Variants in SPEF2 observed in about 807,000 individuals in gnomAD.
SPEF2 encodes sperm flagella and cilia-associated protein 2.
In SPEF2, 187 loss-of-function variants were observed where a neutral mutation model predicts 224.6. The observed-to-expected ratio is 0.83, with a 90% CI of 0.74 to 0.94. SPEF2 has a LOEUF of 0.94. Ranked by LOEUF, SPEF2 falls within the 40% of genes least tolerant of loss-of-function variation. The pLI, the probability that SPEF2 is intolerant of heterozygous loss-of-function variation, is 0.00. For missense variants in SPEF2, 2,170 were observed against 2,135.6 expected (o/e 1.02, Z -0.32); for synonymous variants, 715 against 707.3 (o/e 1.01, Z -0.17).
At chr5:35,686,417 A>G (rs190830085) in intron 10 of SPEF2, among the ~76,000 whole-genome samples, 337 of 152,202 alleles carry the variant, frequency 2.2e-3, no homozygotes, top group Non-Finnish European at 3.1e-3. Context: ...GTTACTAAAT[A>G]CATTTTATGT....
At chr5:35,811,622 G>A (rs1580817881) in intron 36 of SPEF2, among the ~76,000 whole-genome samples, 1 of 151,622 alleles carries the variant, frequency 6.6e-6, no homozygotes, top group African/African-American at 2.4e-5. Flanking sequence ...ATGGTGGGGG[G>A]GGTGGGGTTT....
intron 6 of SPEF2, among the ~76,000 whole-genome samples, chr5:35,651,103 C>G (rs1269383111): frequency 6.6e-6 from 1 of 152,200 alleles, no homozygotes; most frequent in Admixed American, 6.5e-5. Context: ...GTAGATATCT[C>G]CTATCTGAAA....
chr5:35,795,915 C>A, intron 33 of SPEF2, 120 bp downstream of exon 33: 1 of 849,972 alleles, frequency 1.2e-6, no homozygotes, highest in Non-Finnish European at 1.9e-6. Context: ...CCTCTGCTGC[C>A]TCTCCAAAGT....
intron 30 of SPEF2, among the ~76,000 whole-genome samples, chr5:35,787,563 C>T (rs757407449): frequency 7.2e-5 from 11 of 152,152 alleles, no homozygotes; most frequent in Non-Finnish European, 1.5e-4. Flanking sequence ...TAACTCCGCT[C>T]CACCACTTAC....
intron 21 of SPEF2, among the ~76,000 whole-genome samples, chr5:35,738,058 GTTGT>G (rs1474809663): frequency 6.6e-6 from 1 of 152,068 alleles, no homozygotes; most frequent in Non-Finnish European, 1.5e-5. Flanking sequence ...TTTTGATGGG[GTTGT>G]TTGTTTCCTT....
chr5:35,771,781 A>G (rs1392873455), intron 27 of SPEF2, 25 bp downstream of exon 27: 1 of 1,572,698 alleles, frequency 6.4e-7, no homozygotes, highest in South Asian at 1.2e-5. Flanking sequence ...AGCACTCAGA[A>G]CCCTGGATGC....
intron 2 of SPEF2, among the ~76,000 whole-genome samples, chr5:35,639,370 G>C (rs1441582739): frequency 2.0e-5 from 3 of 152,154 alleles, no homozygotes; most frequent in Non-Finnish European, 4.4e-5. Context: ...ACAAGGATCA[G>C]TAAATTTTAT....
chr5:35,783,459 A>G (rs1754627497), intron 30 of SPEF2, among the ~76,000 whole-genome samples: 1 of 152,218 alleles, frequency 6.6e-6, no homozygotes, highest in Non-Finnish European at 1.5e-5. Flanking sequence ...TAGAAAGAGT[A>G]TAGCACATAG....
At chr5:35,787,219 CTT>C (rs2149818492) in intron 30 of SPEF2, among the ~76,000 whole-genome samples, 1 of 150,474 alleles carries the variant, frequency 6.6e-6, no homozygotes, top group East Asian at 2.0e-4. Context: ...GGCACAGCTC[CTT>C]TACAAAACCA....
Position 35,646,850 on chromosome 5 carries a change from TA to T in SPEF2, c.726+46del, listed in dbSNP as rs1440968180. 6 of 1,595,786 alleles carry T rather than the reference TA, an allele frequency of 3.8e-6. No individual in the cohort carries two copies. The Admixed American group carries it at 1.0e-4, about 28-fold the overall frequency. On this transcript the variant is annotated intron_variant, in intron 5 of 36. Coordinates refer to ENST00000356031, the MANE Select transcript of SPEF2 (RefSeq NM_024867.4). ...AATATTGTGCTGTGTTTATCTTAAC[TA>T]AAGAATAGTCTGTCTCTGGAACATA...
chr5:35,657,786 C>T (rs1749158755), intron 7 of SPEF2, among the ~76,000 whole-genome samples: 1 of 152,182 alleles, frequency 6.6e-6, no homozygotes, highest in Non-Finnish European at 1.5e-5. Flanking sequence ...TGGCTAGTGT[C>T]TTGGCCAATT....
chr5:35,647,497 A>T (rs971780958), intron 5 of SPEF2, among the ~76,000 whole-genome samples: 9 of 152,144 alleles, frequency 5.9e-5, no homozygotes, highest in Admixed American at 2.0e-4. Context: ...ACCGGCTCTC[A>T]TGGGAACTAA....
intron 36 of SPEF2, chr5:35,807,690 C>G: frequency 3.9e-6 from 6 of 1,536,026 alleles, no homozygotes; most frequent in Non-Finnish European, 5.2e-6. Context: ...AGGTTGGGCA[C>G]CACTTCCATC....
At chr5:35,809,492 C>T (rs531719924) in intron 36 of SPEF2, among the ~76,000 whole-genome samples, 9 of 152,048 alleles carry the variant, frequency 5.9e-5, no homozygotes, top group South Asian at 2.1e-4. Context: ...GGGAAAGGGA[C>T]GTCTACATGG....
At chr5:35,623,964 A>T (rs1743860186) in intron 1 of SPEF2, among the ~76,000 whole-genome samples, 1 of 152,218 alleles carries the variant, frequency 6.6e-6, no homozygotes, top group Non-Finnish European at 1.5e-5. Context: ...ATTTTTACAG[A>T]TGAGAAACTA....
chr5:35,813,856 C>G (rs1758682696), intron 36 of SPEF2, among the ~76,000 whole-genome samples: 1 of 151,694 alleles, frequency 6.6e-6, no homozygotes, highest in Non-Finnish European at 1.5e-5. Context: ...TAAAAGCTAC[C>G]TAAATGCAGT....
At chr5:35,763,107 A>G (rs1039758865) in intron 25 of SPEF2, among the ~76,000 whole-genome samples, 1 of 152,168 alleles carries the variant, frequency 6.6e-6, no homozygotes, top group Non-Finnish European at 1.5e-5. Flanking sequence ...GGGATGCCAG[A>G]TGATACTTGT....
intron 30 of SPEF2, among the ~76,000 whole-genome samples, chr5:35,786,136 T>A (rs1217355534): frequency 6.6e-6 from 1 of 152,154 alleles, no homozygotes; most frequent in African/African-American, 2.4e-5. Flanking sequence ...AAAAGAGACT[T>A]TATTTTTTCA....
At chr5:35,681,010 C>T (rs1040560359) in intron 10 of SPEF2, among the ~76,000 whole-genome samples, 1 of 152,128 alleles carries the variant, frequency 6.6e-6, no homozygotes, top group East Asian at 1.9e-4. Flanking sequence ...ATCGGCTTGT[C>T]CCTGGTTAAG....
Sources: gnomAD v4.1 joint callset for allele counts (sites outside exome capture counted in the v4.1 genomes callset) on GRCh38, gnomAD v4.1.1 for gene constraint, MANE v1.5 for transcripts, NCBI Gene and HGNC (gene_info 2026-07-23, HGNC 2026-07-21) for gene names.